FIGN: variants seen among roughly 807,000 people sequenced by gnomAD.
The protein encoded by FIGN is fidgetin, microtubule severing factor, also known as fidgetin.
FIGN carries 11 observed loss-of-function variants against 51.3 expected under a neutral mutation model. The ratio of observed to expected loss-of-function variants is 0.21; its 90% CI spans 0.13 to 0.35. FIGN has a LOEUF of 0.35. Among genes scored for constraint, FIGN ranks in the 10% least tolerant of loss-of-function variants. The pLI, the probability that FIGN is intolerant of heterozygous loss-of-function variation, is 1.00. For synonymous variants in FIGN, 407 were observed against 363.2 expected (o/e 1.12, Z -1.37); for missense variants, 857 against 943.6 (o/e 0.91, Z 1.20).
rs772366924 is a variant in FIGN at position 163,609,788 on chromosome 2, C to T, written c.2044G>A (p.Val682Ile). The T allele has an allele frequency of 1.7e-4, 279 of 1,614,018 alleles. No homozygotes were observed. Among genetic ancestry groups the T allele is most frequent in the Non-Finnish European group, 2.2e-4 (257 of 1,180,030 alleles). The change falls in exon 3 of 3, where the codon GTC becomes ATC. Residue 682 changes from valine to isoleucine, a missense_variant. Val to Ile is a conservative substitution (Grantham distance 29). Around this residue, in one of 3 missense-constraint regions of FIGN, gnomAD observed 799 missense variants for 849.5 expected, o/e 0.94. Transcript: ENST00000333129. ...CLNDKEFALL[V>I]QRTEGFSGLD... is the part of the protein sequence containing the mutation. ...CCAGAAAAGCCTTCTGTGCGCTGGACGAGCAGTGCAAACTCCTTGTCATTG... is the reference window on the plus strand; with the variant it reads ...CCAGAAAAGCCTTCTGTGCGCTGGATGAGCAGTGCAAACTCCTTGTCATTG...
In FIGN at chr2:163,603,117, A is replaced by C. The variant is rs2105293346; in HGVS notation, c.*6435T>G. ...TGAATTCATTTTGCAAGTGATGGAT[A>C]ATTTAAGCTTTCATCATCTAAAGCT... On this transcript the variant is annotated 3_prime_UTR_variant, in exon 3 of 3. Coordinates refer to ENST00000333129, the MANE Select transcript of FIGN (RefSeq NM_018086.4). The C allele has an allele frequency of 6.6e-6, 1 of 152,272 alleles. No homozygotes were observed. The highest frequency in any genetic ancestry group is 2.4e-5 in the African/African-American group (1 of 41,580). 9.4% of individuals were successfully genotyped at this position (152,272 alleles called of 1,614,324 possible). A position where few individuals can be genotyped will look rare whatever the true frequency, so the allele number is the denominator to read the frequency against.
chr2:163,609,491 T>C lies in FIGN; in HGVS notation c.*61A>G. The C allele has an allele frequency of 7.0e-7, 1 of 1,420,378 alleles. No individual in the cohort carries two copies. Among genetic ancestry groups the C allele is most frequent in the Non-Finnish European group, 9.6e-7 (1 of 1,039,376 alleles). 88.0% of individuals were successfully genotyped at this position (1,420,378 alleles called of 1,614,324 possible). ...TACTGGAAAGGGGCTCTATTCCCTA[T>C]GTAGCAGGTTTTATGTGTGTGTGCC... On this transcript the variant is annotated 3_prime_UTR_variant, in exon 3 of 3. Coordinates refer to ENST00000333129, the MANE Select transcript of FIGN (RefSeq NM_018086.4).
At chr2:163,617,542 C>T (rs997264908) in intron 2 of FIGN, among the ~76,000 whole-genome samples, 4 of 152,116 alleles carry the variant, frequency 2.6e-5, no homozygotes, top group African/African-American at 9.7e-5. Flanking sequence ...TGATGTTTCA[C>T]TTATAATGAT....
In FIGN at chr2:163,610,603, G is replaced by A. The variant is rs1364352446; in HGVS notation, c.1229C>T (p.Ser410Leu). ...TPPSYSTAKN[S>L]LGSRSSESFG... is the part of the protein sequence containing the mutation. ...GGATTCACTGGATCTTGATCCCAAT[G>A]AATTTTTAGCAGTACTGTAGGAAGG... Residue 410 changes from serine (S) to leucine (L), a missense_variant, in exon 3 of 3, where the codon TCA becomes TTA. Ser to Leu is a moderately radical substitution (Grantham distance 145, BLOSUM62 -2). This residue lies in a region of FIGN where 799 missense variants were observed against 849.5 expected (regional missense o/e 0.94). Coordinates refer to ENST00000333129, the MANE Select transcript of FIGN (RefSeq NM_018086.4). The A allele has an allele frequency of 3.7e-6, 6 of 1,614,070 alleles. No homozygotes were observed. In the African/African-American group the frequency reaches 5.3e-5, roughly 14 times the overall value.
chr2:163,680,983 A>C (rs1122437), intron 2 of FIGN, among the ~76,000 whole-genome samples: 85,858 of 152,100 alleles, frequency 0.56, 26,713 homozygotes, highest in Admixed American at 0.69. Context: ...TACTAATAGG[A>C]ATTATATATT....
rs573319710 is a variant in FIGN at position 163,608,708 on chromosome 2, T to C, written c.*844A>G. 2 of 152,590 alleles carry C rather than the reference T, an allele frequency of 1.3e-5. No individual in the cohort carries two copies. Among genetic ancestry groups the C allele is most frequent in the African/African-American group, 2.4e-5 (1 of 41,560 alleles). The allele number at this position is 152,590 out of a possible 1,614,324, so 9.5% of individuals were successfully genotyped here. A position where few individuals can be genotyped will look rare whatever the true frequency, so the allele number is the denominator to read the frequency against. Reference sequence around the variant, plus strand: ...TAATTAGTAAAAGAACTTAAAAAAATCCTTCCATTTCTACTTTAAACTGTA... The same window carrying C: ...TAATTAGTAAAAGAACTTAAAAAAACCCTTCCATTTCTACTTTAAACTGTA... On this transcript the variant is annotated 3_prime_UTR_variant, in exon 3 of 3. Transcript: ENST00000333129.
chr2:163,687,829 TA>T (rs1219517190), intron 2 of FIGN, among the ~76,000 whole-genome samples: 3 of 152,146 alleles, frequency 2.0e-5, no homozygotes, highest in Non-Finnish European at 4.4e-5. Context: ...CATGCAAAGT[TA>T]AATCAAGAAT....
intron 2 of FIGN, among the ~76,000 whole-genome samples, chr2:163,711,966 T>G (rs1684594761): frequency 6.6e-6 from 1 of 152,084 alleles, no homozygotes; most frequent in Non-Finnish European, 1.5e-5. Context: ...ATGAAAGCTG[T>G]CATTCCACAG....
At chr2:163,690,597 C>T (rs1341134200) in intron 2 of FIGN, among the ~76,000 whole-genome samples, 2 of 151,898 alleles carry the variant, frequency 1.3e-5, no homozygotes, top group Non-Finnish European at 2.9e-5. Flanking sequence ...CTAGTCTAGG[C>T]AACAGTACAG....
chr2:163,717,651 T>C (rs1262258579), intron 2 of FIGN, among the ~76,000 whole-genome samples: 2 of 152,156 alleles, frequency 1.3e-5, no homozygotes, highest in African/African-American at 4.8e-5. Flanking sequence ...ATCAGAAGTG[T>C]TGCAAGTACA....
Position 163,670,628 on chromosome 2 carries a change from T to C in FIGN, c.26-58822A>G, listed in dbSNP as rs188173362. Among the ~76,000 whole-genome samples, 15 of 152,362 alleles carry C rather than the reference T, an allele frequency of 9.8e-5. No homozygotes were observed. The East Asian group carries it at 1.9e-3, about 20-fold the overall frequency. On this transcript the variant is annotated intron_variant, in intron 2 of 2. Transcript: ENST00000333129. Reference sequence around the variant, plus strand: ...AAAAATTATGTATATTTATGCAGTATGACATCATGTCTTGGTCGATGTATA... The same window carrying C: ...AAAAATTATGTATATTTATGCAGTACGACATCATGTCTTGGTCGATGTATA...
chr2:163,659,393 A>T (rs929779798), intron 2 of FIGN, among the ~76,000 whole-genome samples: 1 of 151,692 alleles, frequency 6.6e-6, no homozygotes, highest in Admixed American at 6.6e-5. Context: ...CCTAAGGAAT[A>T]CCAAATGCAT....
chr2:163,644,796 T>G lies in FIGN; in HGVS notation c.26-32990A>C, dbSNP rs149339300. ...AAAACCTGAGTGAACTTTGAAAAATTATGCTAAGTGAAAGAAGCCAGACAA... is the reference window on the plus strand; with the variant it reads ...AAAACCTGAGTGAACTTTGAAAAATGATGCTAAGTGAAAGAAGCCAGACAA... On this transcript the variant is annotated intron_variant, in intron 2 of 2. Transcript: ENST00000333129. Among the ~76,000 whole-genome samples, 917 of 152,248 alleles carry G rather than the reference T, an allele frequency of 6.0e-3. 11 individuals carry two copies. The highest frequency in any genetic ancestry group is 0.018 in the African/African-American group (729 of 41,552).
intron 2 of FIGN, among the ~76,000 whole-genome samples, chr2:163,630,968 C>T (rs181943308): frequency 6.6e-6 from 1 of 152,170 alleles, no homozygotes; most frequent in African/African-American, 2.4e-5. Flanking sequence ...TATTTCATAA[C>T]AAAAGAAATG....
At chr2:163,636,843 ACT>A (rs1683232968) in intron 2 of FIGN, among the ~76,000 whole-genome samples, 1 of 151,802 alleles carries the variant, frequency 6.6e-6, no homozygotes, top group South Asian at 2.1e-4. Flanking sequence ...AAAATAAAAC[ACT>A]CTTAATTATA....
intron 2 of FIGN, among the ~76,000 whole-genome samples, chr2:163,690,800 A>G (rs996880805): frequency 2.0e-5 from 3 of 147,154 alleles, no homozygotes; most frequent in Non-Finnish European, 4.4e-5. Flanking sequence ...ATAGAGATAT[A>G]CCAAAAATGT....
chr2:163,727,468 T>C (rs1684855196), intron 2 of FIGN, among the ~76,000 whole-genome samples: 1 of 152,124 alleles, frequency 6.6e-6, no homozygotes, highest in South Asian at 2.1e-4. Flanking sequence ...CCAGCTTTCT[T>C]TCATTAAAGT....
At chr2:163,723,485 T>A (rs1281232373) in intron 2 of FIGN, among the ~76,000 whole-genome samples, 1 of 152,150 alleles carries the variant, frequency 6.6e-6, no homozygotes, top group East Asian at 1.9e-4. Context: ...GACAATTAAG[T>A]AGACGTCGAA....
intron 2 of FIGN, among the ~76,000 whole-genome samples, chr2:163,676,936 C>A (rs985784721): frequency 6.6e-6 from 1 of 152,114 alleles, no homozygotes; most frequent in African/African-American, 2.4e-5. Context: ...AAGGCAGTAA[C>A]TGATAACATG....
Sources: gnomAD v4.1 joint callset for allele counts (sites outside exome capture counted in the v4.1 genomes callset) on GRCh38, gnomAD v4.1.1 for gene constraint, gnomAD v4.1.1 regional missense constraint, MANE v1.5 for transcripts, NCBI Gene and HGNC (gene_info 2026-07-23, HGNC 2026-07-21) for gene names.